Variants in MAPKAPK5 observed in about 807,000 individuals in gnomAD.
The protein encoded by MAPKAPK5 is MAP kinase-activated protein kinase 5.
A neutral mutation model predicts 65.1 loss-of-function variants in MAPKAPK5; 30 were observed. The observed-to-expected ratio is 0.46, with a 90% CI of 0.34 to 0.63. The LOEUF is 0.63. Ranked by LOEUF, MAPKAPK5 falls within the 20% of genes least tolerant of loss-of-function variation. The pLI, the probability that MAPKAPK5 is intolerant of heterozygous loss-of-function variation, is 0.01. For synonymous variants in MAPKAPK5, 179 were observed against 204.6 expected (o/e 0.87, Z 1.07); for missense variants, 433 against 581.4 (o/e 0.74, Z 2.63).
chr12:111,877,736 A>C (rs952880869), intron 7 of MAPKAPK5, among the ~76,000 whole-genome samples: 1 of 152,174 alleles, frequency 6.6e-6, no homozygotes, highest in African/African-American at 2.4e-5. Context: ...GCTGGAATGC[A>C]GTGGCACAAT....
At chr12:111,874,685 A>ACT (rs1323243647) in intron 7 of MAPKAPK5, among the ~76,000 whole-genome samples, 2 of 144,370 alleles carry the variant, frequency 1.4e-5, no homozygotes, top group African/African-American at 5.1e-5. Context: ...CTGGTCTCGA[A>ACT]CTCCTGACCT....
rs538979569 is a variant in MAPKAPK5 at position 111,885,560 on chromosome 12, C to T, written c.849-356C>T. 1.1e-4 allele frequency: 20 copies of T among 179,462 alleles called. No individual in the cohort carries two copies. The East Asian group carries it at 2.6e-3, about 23-fold the overall frequency. 11.1% of individuals were successfully genotyped at this position (179,462 alleles called of 1,614,324 possible). ...CAGCCAAAAAGAGCACTCTGAGTTC[C>T]TTTTGGAAGTTAAAGCCCATTGTCC... On this transcript the variant is annotated intron_variant, in intron 9 of 13. Coordinates refer to ENST00000550735, the MANE Select transcript of MAPKAPK5 (RefSeq NM_003668.4).
Position 111,866,185 on chromosome 12 carries a change from G to A in MAPKAPK5, c.140G>A (p.Arg47Gln), listed in dbSNP as rs762069860. ...TGTGTAAAGAAATCTACTCAAGAACGGTTTGCGCTGAAAATTCTTCTTGAT... is the reference window on the plus strand; with the variant it reads ...TGTGTAAAGAAATCTACTCAAGAACAGTTTGCGCTGAAAATTCTTCTTGAT... ...RVCVKKSTQE[R>Q]FALKILLDRP... The change falls in exon 3 of 14, where the codon CGG (arginine) becomes CAG (glutamine). Residue 47 changes from arginine to glutamine, a missense_variant. Coordinates refer to ENST00000550735, the MANE Select transcript of MAPKAPK5 (RefSeq NM_003668.4). 8.1e-6 allele frequency: 13 copies of A among 1,612,086 alleles called. No individual in the cohort carries two copies. Among genetic ancestry groups the A allele is most frequent in the African/African-American group, 1.3e-5 (1 of 74,858 alleles).
chr12:111,886,242 A>C (rs545450574), intron 10 of MAPKAPK5, among the ~76,000 whole-genome samples: 40 of 152,296 alleles, frequency 2.6e-4, no homozygotes, highest in Middle Eastern at 3.4e-3. Flanking sequence ...AATATAAACT[A>C]AGGGAGCACT....
chr12:111,888,434 T>C, intron 10 of MAPKAPK5, 54 bp from the exon 11 acceptor site: 1 of 1,599,792 alleles, frequency 6.3e-7, no homozygotes, highest in East Asian at 2.2e-5. Context: ...TTAGACTGGC[T>C]TTTTAGGTGC....
At chr12:111,863,222 CAGTTTTTCAGAAGGG>C (rs2069500583) in intron 1 of MAPKAPK5, among the ~76,000 whole-genome samples, 1 of 152,186 alleles carries the variant, frequency 6.6e-6, no homozygotes, top group Non-Finnish European at 1.5e-5. Context: ...TCCTGACGCA[CAGTTTTTCAGAAGGG>C]AGTTTGTATA....
At position 111,894,479 on chromosome 12, in the gene MAPKAPK5, C is replaced by T. The variant is rs7974772; in HGVS notation, c.*1418C>T. On this transcript the variant is annotated 3_prime_UTR_variant, in exon 14 of 14. Coordinates refer to ENST00000550735, the MANE Select transcript of MAPKAPK5 (RefSeq NM_003668.4). ...GGTCCTGTTTTTGGAATAACTTGTC[C>T]GAGAAATTTACATATAATTAATTGA... is the stretch of plus-strand genomic sequence containing the variant. 0.2 allele frequency: 29,832 copies of T among 151,902 alleles called. 3,151 individuals carry two copies. Among genetic ancestry groups the T allele is most frequent in the Middle Eastern group, 0.27 (80 of 294 alleles). The allele number at this position is 151,902 out of a possible 1,614,324, so 9.4% of individuals were successfully genotyped here. A position where few individuals can be genotyped will look rare whatever the true frequency, so the allele number is the denominator to read the frequency against.
rs2070903254 is a variant in MAPKAPK5 at position 111,898,617 on chromosome 12, G to GATATAAA, written c.*5561_*5567dup. 6.6e-6 allele frequency: 1 copy of GATATAAA among 152,124 alleles called. No homozygotes were observed. The highest frequency in any genetic ancestry group is 6.5e-5 in the Admixed American group (1 of 15,270). The allele number at this position is 152,124 out of a possible 1,614,324, so 9.4% of individuals were successfully genotyped here. A position where few individuals can be genotyped will look rare whatever the true frequency, so the allele number is the denominator to read the frequency against. On this transcript the variant is annotated 3_prime_UTR_variant, in exon 14 of 14. Transcript: ENST00000550735. ...AACTTGGTAGAGAAGATTATATGCAGATATAAAATATCTAAACTCATTTGT... is the reference window on the plus strand; with the variant it reads ...AACTTGGTAGAGAAGATTATATGCAGATATAAAATATAAAATATCTAAACTCATTTGT...
intron 7 of MAPKAPK5, among the ~76,000 whole-genome samples, chr12:111,873,428 C>G (rs2069850977): frequency 1.3e-5 from 2 of 152,182 alleles, no homozygotes; most frequent in South Asian, 4.1e-4. Flanking sequence ...ACTGCAACCT[C>G]TGCCTCCCGG....
chr12:111,846,769 T>A (rs1462291800), intron 1 of MAPKAPK5, among the ~76,000 whole-genome samples: 6 of 152,030 alleles, frequency 3.9e-5, no homozygotes, highest in Admixed American at 3.9e-4. Flanking sequence ...AGTGCTAGAG[T>A]TACAGGTGTG....
At chr12:111,849,033 G>A (rs1203425828) in intron 1 of MAPKAPK5, among the ~76,000 whole-genome samples, 3 of 152,026 alleles carry the variant, frequency 2.0e-5, no homozygotes, top group African/African-American at 7.2e-5. Context: ...CAAAGTGCTG[G>A]GATTACAGAT....
At chr12:111,856,000 CAT>C (rs1368380943) in intron 1 of MAPKAPK5, among the ~76,000 whole-genome samples, 2 of 151,746 alleles carry the variant, frequency 1.3e-5, no homozygotes, top group East Asian at 3.9e-4. Context: ...GGATTACAGG[CAT>C]ACACCACCAT....
At chr12:111,888,465 C>G in intron 10 of MAPKAPK5, 23 bp from the exon 11 acceptor site, 1 of 1,611,232 alleles carries the variant, frequency 6.2e-7, no homozygotes, top group Non-Finnish European at 8.5e-7. Context: ...ATATGAAAAA[C>G]TGACGGCAGT....
chr12:111,880,880 CAT>C (rs1367091149), intron 8 of MAPKAPK5, among the ~76,000 whole-genome samples: 2 of 152,186 alleles, frequency 1.3e-5, no homozygotes, highest in Admixed American at 6.5e-5. Flanking sequence ...ACACTGAAAA[CAT>C]ATGGTTGGCT....
chr12:111,886,084 G>A (rs1484068605), intron 10 of MAPKAPK5, 48 bp downstream of exon 10: 1 of 1,612,980 alleles, frequency 6.2e-7, no homozygotes, highest in African/African-American at 1.3e-5. Flanking sequence ...GTGTTGGGAA[G>A]GAATGCTGGG....
chr12:111,851,994 C>A (rs1428185209), intron 1 of MAPKAPK5, among the ~76,000 whole-genome samples: 1 of 152,132 alleles, frequency 6.6e-6, no homozygotes, highest in Admixed American at 6.6e-5. Context: ...GAGATGAGTG[C>A]TTCTGTGCCA....
At position 111,884,208 on chromosome 12, in the gene MAPKAPK5, G is replaced by A. The variant is rs936586169; in HGVS notation, c.848+440G>A. ...GGCCTGGACCCCACCCTCCACCTTC[G>A]CGCTGCCAGTTGGTTGCTTTGAGAT... On this transcript the variant is annotated intron_variant, in intron 9 of 13. Coordinates refer to ENST00000550735, the MANE Select transcript of MAPKAPK5 (RefSeq NM_003668.4). 7.9e-5 allele frequency among the ~76,000 whole-genome samples: 12 copies of A among 152,156 alleles called. No homozygotes were observed. The South Asian group carries it at 1.7e-3, about 21-fold the overall frequency.
At chr12:111,853,142 G>A (rs1329102463) in intron 1 of MAPKAPK5, among the ~76,000 whole-genome samples, 1 of 151,982 alleles carries the variant, frequency 6.6e-6, no homozygotes, top group African/African-American at 2.4e-5. Context: ...GAGGTGGGCG[G>A]ATCACGAGGT....
At chr12:111,872,101 T>G (rs1376517226) in intron 7 of MAPKAPK5, among the ~76,000 whole-genome samples, 2 of 152,230 alleles carry the variant, frequency 1.3e-5, no homozygotes, top group Non-Finnish European at 2.9e-5. Flanking sequence ...TTTGGGTTGT[T>G]TCTCATTTTT....
Sources: gnomAD v4.1 joint callset for allele counts (sites outside exome capture counted in the v4.1 genomes callset) on GRCh38, gnomAD v4.1.1 for gene constraint, MANE v1.5 for transcripts, NCBI Gene and HGNC (gene_info 2026-07-23, HGNC 2026-07-21) for gene names.